The following GLRA2 variants were observed in gnomAD, a reference collection of about 807,000 sequenced individuals.
GLRA2 encodes the protein glycine receptor subunit alpha-2.
Under a neutral mutation model 31.6 loss-of-function variants are expected in GLRA2, and 11 were observed. That is an observed-to-expected ratio of 0.35 (90% CI 0.22 to 0.58). GLRA2 has a LOEUF of 0.58. GLRA2 is among the 20% of genes least tolerant of loss of function. GLRA2 has a pLI of 0.84. For synonymous variants in GLRA2, 132 were observed against 134.0 expected, an observed-to-expected ratio of 0.99 and a Z score of 0.10; for missense variants, 212 against 351.8, an observed-to-expected ratio of 0.60 and a Z score of 3.18.
intron 7 of GLRA2, among the ~76,000 whole-genome samples, chrX:14,685,066 G>C (rs1385894048): frequency 8.9e-6 from 1 of 111,841 alleles, no homozygotes; most frequent in Non-Finnish European, 1.9e-5. Flanking sequence ...TGCATCTATT[G>C]AGATAATCAT....
At chrX:14,511,246 G>C in the GLRA2 span, among the ~76,000 whole-genome samples, 1 of 112,200 alleles carries the variant, frequency 8.9e-6, no homozygotes, top group African/African-American at 3.2e-5. Flanking sequence ...AAAGGAGAAA[G>C]AGAAATGATT....
chrX:14,490,778 TAGA>T, the GLRA2 span, among the ~76,000 whole-genome samples: 1 of 111,788 alleles, frequency 8.9e-6, no homozygotes, highest in African/African-American at 3.3e-5. Context: ...TGAAGAGAAG[TAGA>T]AGGAGTGTAT....
At chrX:14,681,910 A>AATATATATATATATATATATATATATAT (rs1556060452) in intron 7 of GLRA2, among the ~76,000 whole-genome samples, 15 of 41,196 alleles carry the variant, frequency 3.6e-4, no homozygotes, top group South Asian at 9.1e-4. Context: ...AAAAAAAAAA[A>AATATATATATATATATATATATATATAT]ATATATATAT....
intron 8 of GLRA2, among the ~76,000 whole-genome samples, chrX:14,712,874 T>G (rs1236238718): frequency 1.8e-5 from 2 of 111,774 alleles, no homozygotes; most frequent in Admixed American, 1.9e-4. Context: ...CTGACCCCAA[T>G]GATTCCCAAA....
chrX:14,532,996 A>T (rs373600527), intron 2 of GLRA2, among the ~76,000 whole-genome samples: 3 of 111,538 alleles, frequency 2.7e-5, no homozygotes, highest in Non-Finnish European at 5.7e-5. Flanking sequence ...GCAAACCAAT[A>T]TTTTTTGTTT....
intron 7 of GLRA2, among the ~76,000 whole-genome samples, chrX:14,674,040 G>A (rs1357755548): frequency 1.8e-5 from 2 of 112,482 alleles, no homozygotes; most frequent in Non-Finnish European, 3.8e-5. Flanking sequence ...GAAAAGCACA[G>A]AATTTGGAGT....
chrX:14,617,484 T>C (rs944281133), intron 7 of GLRA2, among the ~76,000 whole-genome samples: 5 of 112,102 alleles, frequency 4.5e-5, no homozygotes, highest in African/African-American at 1.6e-4. Context: ...TCCTCTTACA[T>C]TGACTGTAAA....
intron 7 of GLRA2, among the ~76,000 whole-genome samples, chrX:14,629,522 C>T (rs1288720222): frequency 4.5e-5 from 5 of 111,342 alleles, no homozygotes; most frequent in Non-Finnish European, 7.6e-5. Context: ...AGGTTCATGA[C>T]CATCAGCCTT....
chrX:14,507,634 C>T, the GLRA2 span, among the ~76,000 whole-genome samples: 1 of 107,494 alleles, frequency 9.3e-6, no homozygotes, highest in South Asian at 4.1e-4. Context: ...TAGTTGAAAC[C>T]TCAGTTGAGA....
the GLRA2 span, among the ~76,000 whole-genome samples, chrX:14,520,581 A>G: frequency 8.9e-6 from 1 of 112,173 alleles, no homozygotes; most frequent in Non-Finnish European, 1.9e-5. Flanking sequence ...CCAGTCCTAA[A>G]ATAATTTTTC....
intron 7 of GLRA2, among the ~76,000 whole-genome samples, chrX:14,618,844 G>A (rs778329746): frequency 1.8e-5 from 2 of 111,748 alleles, no homozygotes; most frequent in East Asian, 5.7e-4. Flanking sequence ...TCTAGAGGCT[G>A]TACACATTTC....
intron 4 of GLRA2, among the ~76,000 whole-genome samples, chrX:14,591,602 G>T (rs771745775): frequency 2.7e-5 from 3 of 112,001 alleles, no homozygotes; most frequent in African/African-American, 9.7e-5. Flanking sequence ...CAGATTGAGG[G>T]TGGGTCTGCC....
intron 2 of GLRA2, among the ~76,000 whole-genome samples, chrX:14,546,706 G>GC (rs1473630126): frequency 9.1e-6 from 1 of 109,613 alleles, no homozygotes; most frequent in Non-Finnish European, 1.9e-5. Context: ...TTTAAGAGGT[G>GC]CCAATGTATA....
the GLRA2 span, among the ~76,000 whole-genome samples, chrX:14,506,588 A>G: frequency 8.9e-6 from 1 of 111,926 alleles, no homozygotes; most frequent in African/African-American, 3.3e-5. Context: ...TCTCCTTGCA[A>G]ATAGCTTAGT....
intron 8 of GLRA2, among the ~76,000 whole-genome samples, chrX:14,693,359 C>A (rs2091392037): frequency 9.0e-6 from 1 of 111,304 alleles, no homozygotes; most frequent in Non-Finnish European, 1.9e-5. Flanking sequence ...ACTTTAAGAC[C>A]AAAATTATTA....
At chrX:14,608,758 C>CTT (rs1231706665) in intron 6 of GLRA2, among the ~76,000 whole-genome samples, 1 of 110,864 alleles carries the variant, frequency 9.0e-6, no homozygotes, top group Non-Finnish European at 1.9e-5. Context: ...TCCAGTGACT[C>CTT]TTTAGATCAC....
chrX:14,582,683 A>C lies in GLRA2; in HGVS notation c.494+1277A>C, dbSNP rs542808628. Among the ~76,000 whole-genome samples the C allele has an allele frequency of 2.7e-5, 3 of 112,091 alleles. No homozygotes were observed. The South Asian group carries it at 1.1e-3, about 41-fold the overall frequency. ...TAATCTATGACCCTCAGTTACCTTA[A>C]TTTTAAAACGGGAAACTCCATGTTT... On this transcript the variant is annotated intron_variant, in intron 4 of 8. Transcript: ENST00000218075.
chrX:14,534,370 A>G (rs1057193764), intron 2 of GLRA2, among the ~76,000 whole-genome samples: 15 of 110,816 alleles, frequency 1.4e-4, no homozygotes, highest in African/African-American at 4.2e-4. Context: ...CTCCAATTCA[A>G]TGAACACTGC....
At chrX:14,468,994 C>T in the GLRA2 span, among the ~76,000 whole-genome samples, 9 of 110,554 alleles carry the variant, frequency 8.1e-5, no homozygotes, top group Admixed American at 8.7e-4. Context: ...TGTCCTTCGC[C>T]CACTTTTTGA....
Sources: allele counts gnomAD v4.1 joint callset (sites outside exome capture counted in the v4.1 genomes callset), GRCh38; gene constraint gnomAD v4.1.1; transcripts MANE v1.5; gene names NCBI Gene and HGNC (gene_info 2026-07-23, HGNC 2026-07-21).